The following REDIC1 variants were observed in gnomAD, a reference collection of about 807,000 sequenced individuals.
The protein encoded by REDIC1 is HEI10 Interacting Protein 1.
At chr12:39,676,657 A>G in the REDIC1 span, among the ~76,000 whole-genome samples, 1 of 152,194 alleles carries the variant, frequency 6.6e-6, no homozygotes, top group South Asian at 2.1e-4. Flanking sequence ...ATAGTTATCA[A>G]GTTATCTAAA....
At chr12:39,874,385 G>A in the REDIC1 span, among the ~76,000 whole-genome samples, 3 of 152,086 alleles carry the variant, frequency 2.0e-5, no homozygotes, top group South Asian at 2.1e-4. Flanking sequence ...AGGCCAAGGC[G>A]GGTGGATCAC....
the REDIC1 span, among the ~76,000 whole-genome samples, chr12:39,694,580 C>T: frequency 6.6e-6 from 1 of 152,156 alleles, no homozygotes; most frequent in African/African-American, 2.4e-5. Context: ...AATTGCTGAT[C>T]CTAGTGGTCA....
the REDIC1 span, among the ~76,000 whole-genome samples, chr12:39,680,748 T>G: frequency 0.019 from 2,722 of 145,372 alleles, 78 homozygotes; most frequent in African/African-American, 0.064. Context: ...AACCAATGAG[T>G]GGGTGAAGAA....
At chr12:39,821,229 C>T in the REDIC1 span, among the ~76,000 whole-genome samples, 1 of 151,954 alleles carries the variant, frequency 6.6e-6, no homozygotes. Flanking sequence ...CTGGCTAACA[C>T]GGTGAAACCC....
At chr12:39,637,924 C>T in the REDIC1 span, among the ~76,000 whole-genome samples, 1 of 151,766 alleles carries the variant, frequency 6.6e-6, no homozygotes, top group Admixed American at 6.6e-5. Context: ...ATAAAAATGA[C>T]CTTTGGATCA....
chr12:39,907,389 A>G, the REDIC1 span, among the ~76,000 whole-genome samples: 2 of 152,120 alleles, frequency 1.3e-5, no homozygotes, highest in African/African-American at 4.8e-5. Context: ...TTTTGAGTTT[A>G]CAAGCCAATC....
the REDIC1 span, among the ~76,000 whole-genome samples, chr12:39,837,820 T>C: frequency 6.6e-6 from 1 of 152,000 alleles, no homozygotes; most frequent in Non-Finnish European, 1.5e-5. Flanking sequence ...AGAATGGCAA[T>C]CATTAAAAAG....
chr12:39,705,241 C>A, the REDIC1 span, among the ~76,000 whole-genome samples: 1 of 151,880 alleles, frequency 6.6e-6, no homozygotes. Context: ...TAGACACACA[C>A]AATTTACCAA....
the REDIC1 span, among the ~76,000 whole-genome samples, chr12:39,846,691 A>T: frequency 3.9e-5 from 6 of 152,108 alleles, no homozygotes; most frequent in African/African-American, 1.2e-4. Flanking sequence ...GGCTCAAAAG[A>T]TCCACTGGCC....
chr12:39,876,791 A>T, the REDIC1 span, among the ~76,000 whole-genome samples: 1 of 152,166 alleles, frequency 6.6e-6, no homozygotes, highest in Non-Finnish European at 1.5e-5. Context: ...CATAAATAAA[A>T]GGGATATGGA....
chr12:39,800,691 T>C, the REDIC1 span, among the ~76,000 whole-genome samples: 1 of 14,812 alleles, frequency 6.8e-5, no homozygotes, highest in African/African-American at 3.0e-4. Context: ...AGTGTGGCGA[T>C]TCCTCAGGGA....
chr12:39,654,112 C>G, the REDIC1 span, among the ~76,000 whole-genome samples: 6 of 150,330 alleles, frequency 4.0e-5, no homozygotes, highest in Non-Finnish European at 8.9e-5. Flanking sequence ...TGTAAGTGTC[C>G]TTTATCAGGT....
At chr12:39,878,982 C>T in the REDIC1 span, among the ~76,000 whole-genome samples, 1 of 152,232 alleles carries the variant, frequency 6.6e-6, no homozygotes, top group Non-Finnish European at 1.5e-5. Flanking sequence ...GACACTGCTC[C>T]CCACATACTG....
chr12:39,740,962 C>T, the REDIC1 span, among the ~76,000 whole-genome samples: 1 of 141,938 alleles, frequency 7.0e-6, no homozygotes, highest in Non-Finnish European at 1.5e-5. Context: ...TGCTTCTTTA[C>T]ATATTATTAT....
At chr12:39,639,971 T>C in the REDIC1 span, among the ~76,000 whole-genome samples, 3 of 151,886 alleles carry the variant, frequency 2.0e-5, no homozygotes, top group East Asian at 1.9e-4. Flanking sequence ...AAATATCTTA[T>C]AACCATTAAA....
At chr12:39,825,180 T>G in the REDIC1 span, among the ~76,000 whole-genome samples, 10 of 152,156 alleles carry the variant, frequency 6.6e-5, no homozygotes, top group South Asian at 2.1e-4. Context: ...ATCAGCGCAT[T>G]AAGAAAGTGT....
chr12:39,658,900 A>G, the REDIC1 span, among the ~76,000 whole-genome samples: 2 of 152,166 alleles, frequency 1.3e-5, no homozygotes, highest in East Asian at 1.9e-4. Flanking sequence ...TGTGTATGTT[A>G]TAAACCCAAT....
chr12:39,761,738 G>C, the REDIC1 span, among the ~76,000 whole-genome samples: 1 of 151,996 alleles, frequency 6.6e-6, no homozygotes, highest in South Asian at 2.1e-4. Context: ...ACAAAGACGG[G>C]ATAGTAATTA....
the REDIC1 span, among the ~76,000 whole-genome samples, chr12:39,856,128 T>C: frequency 6.6e-6 from 1 of 152,152 alleles, no homozygotes; most frequent in African/African-American, 2.4e-5. Flanking sequence ...TTGCCAAATT[T>C]TGCCACATAT....
Sources: allele counts gnomAD v4.1 joint callset (sites outside exome capture counted in the v4.1 genomes callset), GRCh38; gene constraint gnomAD v4.1.1; transcripts MANE v1.5; gene names NCBI Gene and HGNC (gene_info 2026-07-23, HGNC 2026-07-21).